Variants in HSPA4L observed in about 807,000 individuals in gnomAD.
HSPA4L encodes heat shock 70 kDa protein 4L.
HSPA4L carries 48 observed loss-of-function variants against 100.3 expected under a neutral mutation model. The observed-to-expected ratio is 0.48, with a 90% CI of 0.38 to 0.61. The LOEUF is 0.61. Ranked by LOEUF, HSPA4L falls within the 20% of genes least tolerant of loss-of-function variation. The pLI is 0.00. For synonymous variants in HSPA4L, 319 were observed against 328.2 expected (o/e 0.97, Z 0.30); for missense variants, 886 against 988.6 (o/e 0.90, Z 1.39).
At chr4:127,830,211 G>A (rs1474022310) in intron 17 of HSPA4L, among the ~76,000 whole-genome samples, 2 of 152,030 alleles carry the variant, frequency 1.3e-5, no homozygotes, top group Non-Finnish European at 2.9e-5. Flanking sequence ...TGTGACAGCT[G>A]CAGTTTCTCT....
chr4:127,822,673 A>G (rs182204646), intron 14 of HSPA4L, 96 bp from the exon 15 acceptor site: 2 of 1,146,364 alleles, frequency 1.7e-6, no homozygotes, highest in Non-Finnish European at 1.2e-6. Context: ...TTGTATTGTA[A>G]TCATCCTAGT....
At chr4:127,783,497 G>A (rs1200099662) in intron 1 of HSPA4L, 3 of 1,466,246 alleles carry the variant, frequency 2.0e-6, no homozygotes, top group Non-Finnish European at 1.8e-6. Context: ...GAGGAGCGGC[G>A]TTATGTCATG....
chr4:127,809,308 C>T (rs914358446), intron 11 of HSPA4L: 6 of 1,205,500 alleles, frequency 5.0e-6, no homozygotes, highest in East Asian at 2.3e-5. Context: ...CTCTCGAGAC[C>T]CTGTCTTAAT....
At chr4:127,782,223 A>C (rs1375104542), upstream of HSPA4L, 8 of 393,034 alleles carry the variant, frequency 2.0e-5, no homozygotes, top group Admixed American at 3.5e-5. Flanking sequence ...CCGGGCCCGG[A>C]GCTGGCTCGG....
intron 1 of HSPA4L, among the ~76,000 whole-genome samples, chr4:127,785,210 G>A (rs1010142760): frequency 9.2e-5 from 14 of 152,164 alleles, no homozygotes; most frequent in Non-Finnish European, 7.3e-5. Context: ...CTCATCTCCT[G>A]CATAAGTTGA....
At chr4:127,802,906 A>C (rs539004487) in intron 6 of HSPA4L, among the ~76,000 whole-genome samples, 1 of 152,140 alleles carries the variant, frequency 6.6e-6, no homozygotes, top group Non-Finnish European at 1.5e-5. Context: ...TTATAATGAA[A>C]GAGCTGCAAA....
At chr4:127,791,819 G>C (rs1344840801) in intron 1 of HSPA4L, among the ~76,000 whole-genome samples, 2 of 152,106 alleles carry the variant, frequency 1.3e-5, no homozygotes, top group Admixed American at 1.3e-4. Flanking sequence ...AATTCTTGCT[G>C]TTACAAACTT....
At chr4:127,806,894 G>T (rs1164286746) in intron 10 of HSPA4L, among the ~76,000 whole-genome samples, 1 of 151,712 alleles carries the variant, frequency 6.6e-6, no homozygotes, top group Admixed American at 6.6e-5. Flanking sequence ...TCTTGCAAAA[G>T]ATTTTAATGG....
intron 12 of HSPA4L, among the ~76,000 whole-genome samples, chr4:127,817,348 CAA>C (rs58555235): frequency 1.7e-4 from 25 of 143,832 alleles, no homozygotes; most frequent in African/African-American, 6.3e-4. Context: ...CTTTTAACTA[CAA>C]AAAAAAAAAA....
At chr4:127,789,562 G>A (rs896077069) in intron 1 of HSPA4L, among the ~76,000 whole-genome samples, 1 of 151,918 alleles carries the variant, frequency 6.6e-6, no homozygotes, top group African/African-American at 2.4e-5. Flanking sequence ...GCAGGAGAAT[G>A]GCGTGAACCC....
chr4:127,785,257 G>C (rs1039505097), intron 1 of HSPA4L, among the ~76,000 whole-genome samples: 1 of 152,068 alleles, frequency 6.6e-6, no homozygotes, highest in African/African-American at 2.4e-5. Context: ...AAATTGAAGA[G>C]ACAAAATAAT....
chr4:127,836,320 T>G lies in HSPA4L; in HGVS notation c.*3446T>G, dbSNP rs2148804448. 1 of 153,982 alleles carries G rather than the reference T, an allele frequency of 6.5e-6. No homozygotes were observed. The highest frequency in any genetic ancestry group is 1.4e-5 in the Non-Finnish European group (1 of 69,534). 9.5% of individuals were successfully genotyped at this position (153,982 alleles called of 1,614,324 possible). On this transcript the variant is annotated 3_prime_UTR_variant, in exon 19 of 19. Transcript: ENST00000296464. ...AGGCGGAGGTTGCAGTGAGCCGAGA[T>G]CGCGCCACTGCACTCCAGCCTGGGC...
At chr4:127,783,591 G>A in intron 1 of HSPA4L, 1 of 1,532,798 alleles carries the variant, frequency 6.5e-7, no homozygotes, top group Non-Finnish European at 8.7e-7. Flanking sequence ...TCTGAAATAT[G>A]AAAAACTAGT....
chr4:127,817,945 C>T (rs1733714313), intron 12 of HSPA4L, among the ~76,000 whole-genome samples: 1 of 151,978 alleles, frequency 6.6e-6, no homozygotes, highest in Non-Finnish European at 1.5e-5. Context: ...TTTGCTGCAC[C>T]CATCAACCCG....
intron 10 of HSPA4L, among the ~76,000 whole-genome samples, chr4:127,806,402 G>A (rs1342738484): frequency 2.6e-5 from 4 of 151,986 alleles, no homozygotes; most frequent in Non-Finnish European, 5.9e-5. Flanking sequence ...AGACAGCAGT[G>A]TAGGAATGGA....
intron 17 of HSPA4L, 140 bp downstream of exon 17, chr4:127,827,564 CTT>C (rs956961293): frequency 6.4e-6 from 5 of 779,388 alleles, no homozygotes; most frequent in African/African-American, 1.8e-5. Context: ...AAACTTAAAA[CTT>C]TTTTTTTTAT....
Position 127,836,324 on chromosome 4 carries a change from G to T in HSPA4L, c.*3450G>T. On this transcript the variant is annotated 3_prime_UTR_variant, in exon 19 of 19. Transcript: ENST00000296464. Reference sequence around the variant, plus strand: ...GGAGGTTGCAGTGAGCCGAGATCGCGCCACTGCACTCCAGCCTGGGCAACA... The same window carrying T: ...GGAGGTTGCAGTGAGCCGAGATCGCTCCACTGCACTCCAGCCTGGGCAACA... 1 of 137,482 alleles carries T rather than the reference G, an allele frequency of 7.3e-6. No homozygotes were observed. Among genetic ancestry groups the T allele is most frequent in the Non-Finnish European group, 1.6e-5 (1 of 64,396 alleles). The allele number at this position is 137,482 out of a possible 1,614,324, so 8.5% of individuals were successfully genotyped here.
chr4:127,808,249 A>G (rs989751238), intron 11 of HSPA4L, 120 bp downstream of exon 11: 1 of 776,592 alleles, frequency 1.3e-6, no homozygotes, highest in Non-Finnish European at 2.0e-6. Context: ...AAAGAAAGAT[A>G]TTTATACTCT....
At chr4:127,789,490 C>CA (rs965876082) in intron 1 of HSPA4L, among the ~76,000 whole-genome samples, 4 of 151,312 alleles carry the variant, frequency 2.6e-5, no homozygotes, top group African/African-American at 4.9e-5. Flanking sequence ...ACTAAAAATA[C>CA]AAAAAAAATT....
Sources: allele counts gnomAD v4.1 joint callset (sites outside exome capture counted in the v4.1 genomes callset), GRCh38; gene constraint gnomAD v4.1.1; transcripts MANE v1.5; gene names NCBI Gene and HGNC (gene_info 2026-07-23, HGNC 2026-07-21).